The following EPB41L4B variants were observed in gnomAD, a reference collection of about 807,000 sequenced individuals.
The protein encoded by EPB41L4B is erythrocyte membrane protein band 4.1 like 4B.
In EPB41L4B, 30 loss-of-function variants were observed where a neutral mutation model predicts 112.5. The observed-to-expected ratio is 0.27, with a 90% CI of 0.20 to 0.36. The LOEUF is 0.36. Among genes scored for constraint, EPB41L4B ranks in the 10% least tolerant of loss-of-function variants. The probability of loss-of-function intolerance (pLI) is 1.00; values close to 1 mark genes in which losing one functional copy is unlikely to be tolerated. For synonymous variants in EPB41L4B, 408 were observed against 439.7 expected (o/e 0.93, Z 0.90); for missense variants, 1,024 against 1,133.3 (o/e 0.90, Z 1.38).
At chr9:109,244,527 C>T (rs1834477844) in intron 14 of EPB41L4B, among the ~76,000 whole-genome samples, 2 of 138,492 alleles carry the variant, frequency 1.4e-5, no homozygotes, top group South Asian at 4.9e-4. Context: ...CAACCTCTAC[C>T]TCCTGGGTTC....
At position 109,213,709 on chromosome 9, in the gene EPB41L4B, G is replaced by A. The variant is rs775581266; in HGVS notation, c.1743C>T (p.Asn581=). Residue 581 remains asparagine, a synonymous_variant, in exon 17 of 26, where the codon AAC becomes AAT. Transcript: ENST00000374566. ...CCCCGGCCCTTGGCACCTTGTTTAT[G>A]TTGATGTGCAGAGGAGGCCAGGGTC... ...AAGPWPPLHI[N]INKAEEKKVS... The A allele has an allele frequency of 1.9e-6, 3 of 1,613,856 alleles. No individual in the cohort carries two copies. Among genetic ancestry groups the A allele is most frequent in the Admixed American group, 3.3e-5 (2 of 60,026 alleles).
At chr9:109,185,659 G>T in intron 22 of EPB41L4B, 54 bp from the exon 23 acceptor site, 9 of 1,358,932 alleles carry the variant, frequency 6.6e-6, no homozygotes, top group Non-Finnish European at 8.2e-6. Flanking sequence ...AGAAGGGGAG[G>T]AGGAAGAGGA....
chr9:109,290,553 A>C (rs1292138515), intron 1 of EPB41L4B, among the ~76,000 whole-genome samples: 1 of 152,000 alleles, frequency 6.6e-6, no homozygotes, highest in Non-Finnish European at 1.5e-5. Context: ...TCCACCTGGG[A>C]TCAGCAGTTG....
At chr9:109,219,753 G>C (rs926485160) in intron 15 of EPB41L4B, among the ~76,000 whole-genome samples, 38 of 152,038 alleles carry the variant, frequency 2.5e-4, no homozygotes, top group Admixed American at 2.1e-3. Context: ...TTTCTTCAAC[G>C]GAAAATCCAT....
In EPB41L4B at chr9:109,255,789, G is replaced by T; in HGVS notation, c.984C>A (p.Val328=). 6.2e-7 allele frequency: 1 copy of T among 1,613,778 alleles called. No individual in the cohort carries two copies. The stretch of plus-strand genomic sequence containing the variant: ...CCAGGCCTACCTGATCATCATCCTC[G>T]ACCACCACGAGTGTCAATTTGCTCT... ...FKKSKLTLVV[V]EDDDQGREQE... Residue 328 remains valine, a synonymous_variant, in exon 10 of 26, where the codon GTC becomes GTA. Transcript: ENST00000374566.
At chr9:109,181,831 G>A (rs1262910126) in intron 24 of EPB41L4B, among the ~76,000 whole-genome samples, 1 of 152,064 alleles carries the variant, frequency 6.6e-6, no homozygotes, top group African/African-American at 2.4e-5. Context: ...ATAGCCAAAA[G>A]GTGAAAACAA....
At chr9:109,179,537 A>C (rs552940755) in intron 24 of EPB41L4B, among the ~76,000 whole-genome samples, 32 of 152,196 alleles carry the variant, frequency 2.1e-4, no homozygotes, top group Non-Finnish European at 4.1e-4. Flanking sequence ...CTCTTGAGTT[A>C]CAGACTTGGA....
Position 109,200,347 on chromosome 9 carries a change from C to T in EPB41L4B, c.1947-13G>A, listed in dbSNP as rs1405381546. ...AGGAATAGGACTTCTAGAGACACAC[C>T]GAAAAACAGAACAATACCATCAAAA... On this transcript the variant is annotated splice_polypyrimidine_tract_variant and intron_variant, in intron 19 of 25. Transcript: ENST00000374566. 1.9e-6 allele frequency: 3 copies of T among 1,605,642 alleles called. No individual in the cohort carries two copies. Among genetic ancestry groups the T allele is most frequent in the Non-Finnish European group, 2.6e-6 (3 of 1,172,644 alleles).
chr9:109,202,357 G>C (rs1428218600), intron 19 of EPB41L4B, among the ~76,000 whole-genome samples: 1 of 152,174 alleles, frequency 6.6e-6, no homozygotes, highest in Non-Finnish European at 1.5e-5. Context: ...GAGTATAATA[G>C]TTCCCCAGAG....
chr9:109,286,510 A>C (rs1303112228), intron 1 of EPB41L4B, among the ~76,000 whole-genome samples: 1 of 152,186 alleles, frequency 6.6e-6, no homozygotes, highest in Non-Finnish European at 1.5e-5. Context: ...TAGTGGTTAT[A>C]ACAGAAGACG....
chr9:109,229,398 T>C (rs1022249093), intron 15 of EPB41L4B, among the ~76,000 whole-genome samples: 5 of 152,220 alleles, frequency 3.3e-5, no homozygotes, highest in Non-Finnish European at 7.4e-5. Context: ...GCTGATGCAG[T>C]AGGAAATGCA....
chr9:109,260,657 C>T (rs1333444919), intron 6 of EPB41L4B, among the ~76,000 whole-genome samples: 1 of 152,132 alleles, frequency 6.6e-6, no homozygotes, highest in African/African-American at 2.4e-5. Context: ...TCAGGTAATC[C>T]ACCCGCCTCG....
intron 2 of EPB41L4B, among the ~76,000 whole-genome samples, chr9:109,270,031 T>C (rs1835554609): frequency 6.6e-6 from 1 of 152,206 alleles, no homozygotes; most frequent in South Asian, 2.1e-4. Context: ...AGCCATGTAA[T>C]GTCACCGCAG....
intron 20 of EPB41L4B, among the ~76,000 whole-genome samples, chr9:109,198,592 T>C (rs1588129686): frequency 6.6e-6 from 1 of 152,100 alleles, no homozygotes; most frequent in Non-Finnish European, 1.5e-5. Flanking sequence ...ACAGTACCCA[T>C]GCCATAGCTA....
At chr9:109,273,026 G>T (rs1181257971) in intron 2 of EPB41L4B, among the ~76,000 whole-genome samples, 1 of 151,972 alleles carries the variant, frequency 6.6e-6, no homozygotes, top group South Asian at 2.1e-4. Context: ...CTCTGCCTGT[G>T]GGGGGATCTT....
At chr9:109,303,930 T>A (rs887975288) in intron 1 of EPB41L4B, among the ~76,000 whole-genome samples, 4 of 152,326 alleles carry the variant, frequency 2.6e-5, no homozygotes, top group African/African-American at 9.6e-5. Flanking sequence ...GCAACTAGGC[T>A]GTTCTGTTCT....
intron 13 of EPB41L4B, among the ~76,000 whole-genome samples, chr9:109,249,070 A>ATAT (rs1468792401): frequency 1.5e-4 from 22 of 144,740 alleles, no homozygotes; most frequent in East Asian, 8.0e-4. Context: ...AAAAAAAAAA[A>ATAT]AAATATATAT....
intron 15 of EPB41L4B, among the ~76,000 whole-genome samples, chr9:109,226,629 T>TGTAG (rs1833770308): frequency 7.4e-6 from 1 of 134,368 alleles, no homozygotes; most frequent in Non-Finnish European, 1.5e-5. Flanking sequence ...TATATATATA[T>TGTAG]GAAGAATATA....
At chr9:109,211,359 C>G (rs1833159382) in intron 17 of EPB41L4B, among the ~76,000 whole-genome samples, 1 of 152,046 alleles carries the variant, frequency 6.6e-6, no homozygotes, top group Non-Finnish European at 1.5e-5. Flanking sequence ...ATTTGGGAGG[C>G]TGCGGAGTGT....
Sources: allele counts gnomAD v4.1 joint callset (sites outside exome capture counted in the v4.1 genomes callset), GRCh38; gene constraint gnomAD v4.1.1; transcripts MANE v1.5; gene names NCBI Gene and HGNC (gene_info 2026-07-23, HGNC 2026-07-21).